PCDHA3: variants seen among roughly 807,000 people sequenced by gnomAD.
PCDHA3 encodes the protein protocadherin alpha-3.
Under a neutral mutation model 62.2 loss-of-function variants are expected in PCDHA3, and 41 were observed. The ratio of observed to expected loss-of-function variants is 0.66; its 90% CI spans 0.51 to 0.86. PCDHA3 has a LOEUF of 0.86. PCDHA3 is among the 40% of genes least tolerant of loss of function. The pLI is 0.00. For missense variants in PCDHA3, 1,304 were observed against 1,241.2 expected (o/e 1.05, Z -0.76); for synonymous variants, 640 against 555.4 (o/e 1.15, Z -2.14).
chr5:140,946,162 A>C (rs2093896348), intron 1 of PCDHA3, among the ~76,000 whole-genome samples: 1 of 152,080 alleles, frequency 6.6e-6, no homozygotes, highest in Non-Finnish European at 1.5e-5. Context: ...GATTTAAAAG[A>C]TGGGTAAAGG....
At chr5:140,960,515 A>G (rs1445432467) in intron 1 of PCDHA3, among the ~76,000 whole-genome samples, 1 of 152,182 alleles carries the variant, frequency 6.6e-6, no homozygotes, top group Non-Finnish European at 1.5e-5. Flanking sequence ...AGCAAACATA[A>G]TGGGTATAGG....
chr5:140,812,415 GT>G (rs1379696427), intron 1 of PCDHA3: 1 of 151,260 alleles, frequency 6.6e-6, no homozygotes, highest in Non-Finnish European at 1.5e-5. Context: ...CAGTTTTGTT[GT>G]TTTTTCAAAA....
chr5:140,824,573 G>A (rs1383380064), intron 1 of PCDHA3: 2 of 157,802 alleles, frequency 1.3e-5, no homozygotes, highest in East Asian at 1.7e-4. Context: ...TATCTCAGCC[G>A]CCCAAGTAGC....
At position 140,801,323 on chromosome 5, in the gene PCDHA3, C is replaced by T. The variant is rs782468129; in HGVS notation, c.126C>T (p.Gly42=). The change falls in exon 1 of 4, where the codon GGC becomes GGT. Residue 42 remains glycine, a synonymous_variant. Transcript: ENST00000522353. ...CCGTCTCTGAGGAGGCCAAGCATGG[C>T]ACCTTCGTGGGCCGCATCGCGCAGG... ...HYSVSEEAKH[G]TFVGRIAQDL... 1.7e-5 allele frequency: 28 copies of T among 1,613,308 alleles called. No homozygotes were observed. The highest frequency in any genetic ancestry group is 2.3e-5 in the Non-Finnish European group (27 of 1,179,928).
At chr5:140,833,827 G>C (rs2150211606) in intron 1 of PCDHA3, among the ~76,000 whole-genome samples, 3 of 152,222 alleles carry the variant, frequency 2.0e-5, no homozygotes, top group African/African-American at 7.2e-5. Flanking sequence ...GTCCCTAAAA[G>C]AGTACAGGAT....
intron 1 of PCDHA3, among the ~76,000 whole-genome samples, chr5:140,912,282 C>A (rs1211433751): frequency 6.6e-6 from 1 of 151,982 alleles, no homozygotes; most frequent in African/African-American, 2.4e-5. Flanking sequence ...TACCCAGGAA[C>A]AATACTTTGC....
intron 1 of PCDHA3, chr5:140,861,443 C>T (rs782609099): frequency 4.1e-6 from 2 of 493,194 alleles, no homozygotes; most frequent in Non-Finnish European, 8.3e-6. Context: ...CCAAAAGCCG[C>T]AGAAACCTTC....
chr5:140,858,438 T>C (rs1175682550), intron 1 of PCDHA3: 1 of 1,540,812 alleles, frequency 6.5e-7, no homozygotes, highest in Admixed American at 2.0e-5. Context: ...TCTAGGAAGG[T>C]GGGTTATTAC....
intron 1 of PCDHA3, chr5:140,851,137 A>G (rs2041971194): frequency 2.3e-6 from 3 of 1,313,646 alleles, no homozygotes; most frequent in South Asian, 2.5e-5. Flanking sequence ...TTGTGATTAA[A>G]GTGACATTGA....
intron 3 of PCDHA3, among the ~76,000 whole-genome samples, chr5:140,998,571 T>G (rs2097822082): frequency 1.0e-5 from 1 of 96,286 alleles, no homozygotes; most frequent in African/African-American, 3.7e-5. Flanking sequence ...GTAAATAAGT[T>G]TTTTTTTTTT....
rs1393875873 is a variant in PCDHA3 at position 140,801,813 on chromosome 5, C to G, written c.616C>G (p.Pro206Ala). 6.2e-7 allele frequency: 1 copy of G among 1,614,110 alleles called. No homozygotes were observed. ...LKKNLNREDT[P>A]KHYLLITAID... ...AAAAAATTTAAATCGAGAGGACACT[C>G]CTAAGCATTATTTACTAATAACAGC... Residue 206 changes from proline to alanine, a missense_variant, in exon 1 of 4, where the codon CCT becomes GCT. Pro to Ala is a conservative substitution (Grantham distance 27, BLOSUM62 -1). Coordinates refer to ENST00000522353, the MANE Select transcript of PCDHA3 (RefSeq NM_018906.3).
rs551245842 is a variant in PCDHA3, at chr5:140,927,508, C to G, written c.2395-51441C>G. 3.7e-6 allele frequency: 6 copies of G among 1,614,074 alleles called. No individual in the cohort carries two copies. In the Admixed American group the frequency reaches 5.0e-5, roughly 13 times the overall value. ...CACCCACCTGCTGGTGCTTACAGCT[C>G]GGGACGGCGGGCTACCTGCCCGCTC... On this transcript the variant is annotated intron_variant, in intron 1 of 3. Coordinates refer to ENST00000522353, the MANE Select transcript of PCDHA3 (RefSeq NM_018906.3).
At chr5:140,977,591 A>T (rs1267599253) in intron 1 of PCDHA3, among the ~76,000 whole-genome samples, 2 of 152,164 alleles carry the variant, frequency 1.3e-5, no homozygotes, top group African/African-American at 4.8e-5. Context: ...AGCAGTTAGC[A>T]TGTGAGGACC....
intron 1 of PCDHA3, chr5:140,823,277 G>C (rs2150124312): frequency 6.2e-7 from 1 of 1,612,322 alleles, no homozygotes; most frequent in South Asian, 1.1e-5. Context: ...GTGGGCGAGC[G>C]CCCGCTGTCG....
Position 140,801,281 on chromosome 5 carries a change from C to G in PCDHA3, c.84C>G (p.Ser28Arg), listed in dbSNP as rs150081104. ...LLLLAASEVG[S>R]GQLHYSVSEE... ...TCCTCGCAGCCTCGGAGGTGGGGAG[C>G]GGCCAGCTCCACTACTCCGTCTCTG... The change falls in exon 1 of 4, where the codon AGC (serine) becomes AGG (arginine). Residue 28 changes from serine to arginine, a missense_variant. Coordinates refer to ENST00000522353, the MANE Select transcript of PCDHA3 (RefSeq NM_018906.3). 1.6e-4 allele frequency: 253 copies of G among 1,613,542 alleles called. 1 individual carries two copies. The African/African-American group carries it at 2.9e-3, about 19-fold the overall frequency.
At chr5:140,908,911 T>C (rs535661545) in intron 1 of PCDHA3, among the ~76,000 whole-genome samples, 1 of 152,300 alleles carries the variant, frequency 6.6e-6, no homozygotes, top group South Asian at 2.1e-4. Flanking sequence ...TTCGTGGTTG[T>C]AGGAGGGGCC....
intron 1 of PCDHA3, chr5:140,828,206 G>T: frequency 6.2e-7 from 1 of 1,614,036 alleles, no homozygotes; most frequent in Non-Finnish European, 8.5e-7. Context: ...ACCCGAGGAG[G>T]CCAAACACGG....
rs2150125952 is a variant in PCDHA3 at position 140,823,456 on chromosome 5, G to C, written c.2394+19865G>C. On this transcript the variant is annotated intron_variant, in intron 1 of 3. Transcript: ENST00000522353. ...GTTCGTGCTGGACGAGAACGACAAC[G>C]CGCCGGCGCTGCTGGTGCCTCGAGT... is the stretch of plus-strand genomic sequence containing the variant. The C allele has an allele frequency of 1.2e-6, 2 of 1,613,302 alleles. No individual in the cohort carries two copies. Among genetic ancestry groups the C allele is most frequent in the African/African-American group, 2.7e-5 (2 of 74,924 alleles).
At position 140,802,723 on chromosome 5, in the gene PCDHA3, C is replaced by T; in HGVS notation, c.1526C>T (p.Ser509Leu). 1 of 1,612,564 alleles carries T rather than the reference C, an allele frequency of 6.2e-7. No individual in the cohort carries two copies. The highest frequency in any genetic ancestry group is 1.7e-5 in the Admixed American group (1 of 60,020). ...GAGCGCGCGCTGTCGAGCTACGTGT[C>T]GGTACACGCGGAGAGCGGCAAGGTG... ...VGERALSSYV[S>L]VHAESGKVYA... The change falls in exon 1 of 4, where the codon TCG becomes TTG. Residue 509 changes from serine (S) to leucine (L), a missense_variant. Physicochemically the swap from Ser to Leu is moderately radical, Grantham distance 145. Transcript: ENST00000522353.
Sources: gnomAD v4.1 joint callset for allele counts (sites outside exome capture counted in the v4.1 genomes callset) on GRCh38, gnomAD v4.1.1 for gene constraint, MANE v1.5 for transcripts, NCBI Gene and HGNC (gene_info 2026-07-23, HGNC 2026-07-21) for gene names.